The following HPSE2 variants were observed in gnomAD, a reference collection of about 807,000 sequenced individuals.
HPSE2 encodes inactive heparanase-2.
Under a neutral mutation model 60.5 loss-of-function variants are expected in HPSE2, and 38 were observed. The observed-to-expected ratio is 0.63, with a 90% CI of 0.48 to 0.82. The LOEUF (loss-of-function observed/expected upper bound fraction) is 0.82. Ranked by LOEUF, HPSE2 falls within the 40% of genes least tolerant of loss-of-function variation. The pLI, the probability that HPSE2 is intolerant of heterozygous loss-of-function variation, is 0.00. For missense variants in HPSE2, 713 were observed against 740.4 expected, an observed-to-expected ratio of 0.96 and a Z score of 0.43; for synonymous variants, 295 against 293.2, an observed-to-expected ratio of 1.01 and a Z score of -0.06.
At chr10:99,198,358 T>A (rs1050641302) in intron 2 of HPSE2, among the ~76,000 whole-genome samples, 4 of 152,186 alleles carry the variant, frequency 2.6e-5, no homozygotes, top group Non-Finnish European at 4.4e-5. Context: ...AAAATAACAG[T>A]TTCCAGCATT....
chr10:99,116,339 C>T (rs1341591955), intron 3 of HPSE2, among the ~76,000 whole-genome samples: 1 of 152,074 alleles, frequency 6.6e-6, no homozygotes, highest in Admixed American at 6.5e-5. Context: ...ATTCCTTCAT[C>T]TATAAAAAGA....
Position 98,616,764 on chromosome 10 carries a change from A to G in HPSE2, c.1206-1746T>C, listed in dbSNP as rs547064258. On this transcript the variant is annotated intron_variant, in intron 8 of 11. Transcript: ENST00000370552. The stretch of plus-strand genomic sequence containing the variant: ...GAATCATTTTTGTTGTTGTTCTTCA[A>G]ATTGGAACATTGTGACCCAGGGAAT... Among the ~76,000 whole-genome samples, 6 of 152,302 alleles carry G rather than the reference A, an allele frequency of 3.9e-5. No individual in the cohort carries two copies. The East Asian group carries it at 1.2e-3, about 29-fold the overall frequency.
the HPSE2 span, among the ~76,000 whole-genome samples, chr10:99,241,528 G>A: frequency 3.9e-5 from 6 of 152,166 alleles, no homozygotes; most frequent in Non-Finnish European, 7.4e-5. Context: ...AGGCTAAGAC[G>A]GGAGGATTGC....
chr10:98,650,002 G>A (rs911129979), intron 6 of HPSE2, among the ~76,000 whole-genome samples: 2 of 152,196 alleles, frequency 1.3e-5, no homozygotes, highest in Non-Finnish European at 2.9e-5. Flanking sequence ...CCATAGTGCT[G>A]AGCTGTTGCC....
chr10:99,184,863 G>GAGAC lies in HPSE2; in HGVS notation c.449-40465_449-40464insGTCT, dbSNP rs796284708. 2.5e-4 allele frequency among the ~76,000 whole-genome samples: 27 copies of GAGAC among 106,476 alleles called. No homozygotes were observed. The East Asian group carries it at 5.9e-3, about 23-fold the overall frequency. 69.9% of individuals were successfully genotyped at this position (106,476 alleles called of 152,430 possible). The stretch of plus-strand genomic sequence containing the variant: ...AGAGAGAGAGAGAGAGAGAGAGAGA[G>GAGAC]ACAGAAACACTGAAAAAATGATGTA... On this transcript the variant is annotated intron_variant, in intron 2 of 11. Transcript: ENST00000370552.
chr10:99,280,468 C>T, the HPSE2 span, among the ~76,000 whole-genome samples: 1 of 152,180 alleles, frequency 6.6e-6, no homozygotes, highest in Non-Finnish European at 1.5e-5. Flanking sequence ...GATTCATATG[C>T]ATTCCCAAAT....
intron 4 of HPSE2, among the ~76,000 whole-genome samples, chr10:98,743,126 C>A (rs1212736386): frequency 6.6e-6 from 1 of 151,936 alleles, no homozygotes; most frequent in African/African-American, 2.4e-5. Context: ...GCGGCTGCCA[C>A]CACGTCTGGC....
chr10:98,708,213 T>C (rs1030596636), intron 5 of HPSE2, among the ~76,000 whole-genome samples: 2 of 152,032 alleles, frequency 1.3e-5, no homozygotes, highest in African/African-American at 4.8e-5. Flanking sequence ...TCCCAGTACT[T>C]TGGGAGGCTG....
intron 3 of HPSE2, among the ~76,000 whole-genome samples, chr10:99,010,879 A>G (rs1014028083): frequency 6.6e-6 from 1 of 152,174 alleles, no homozygotes; most frequent in Non-Finnish European, 1.5e-5. Flanking sequence ...TGTTAAGTTC[A>G]GGGGTACATG....
At chr10:99,274,177 C>A in the HPSE2 span, among the ~76,000 whole-genome samples, 12 of 152,106 alleles carry the variant, frequency 7.9e-5, no homozygotes, top group African/African-American at 2.9e-4. Flanking sequence ...AAAACCCTGT[C>A]TCTACTAAAA....
chr10:98,867,294 GAAA>G (rs200460520), intron 3 of HPSE2, among the ~76,000 whole-genome samples: 1 of 140,096 alleles, frequency 7.1e-6, no homozygotes, highest in African/African-American at 2.6e-5. Flanking sequence ...AACTCTATAG[GAAA>G]AAAAAAAAAA....
rs1460357046 is a variant in HPSE2, at chr10:98,721,639, CTAAATAA to C, written c.956+11_956+17del. The C allele has an allele frequency of 1.9e-6, 3 of 1,610,262 alleles. No homozygotes were observed. In the East Asian group the frequency reaches 6.7e-5, roughly 36 times the overall value. On this transcript the variant is annotated intron_variant, in intron 5 of 11. Transcript: ENST00000370552. Reference sequence around the variant, plus strand: ...TAAATGAACAATGTCATAAGAAAAGCTAAATAATCTGACCTACCCATCTAGGAGGGCG... The same window carrying C: ...TAAATGAACAATGTCATAAGAAAAGCTCTGACCTACCCATCTAGGAGGGCG...
intron 3 of HPSE2, among the ~76,000 whole-genome samples, chr10:98,999,857 T>C (rs1956737070): frequency 6.6e-6 from 1 of 152,164 alleles, no homozygotes; most frequent in South Asian, 2.1e-4. Context: ...TTCTTGATAA[T>C]GGGGAGCCAC....
intron 5 of HPSE2, among the ~76,000 whole-genome samples, chr10:98,696,313 A>AC (rs1948215213): frequency 6.6e-6 from 1 of 150,820 alleles, no homozygotes; most frequent in Non-Finnish European, 1.5e-5. Flanking sequence ...AAAAAAAAAA[A>AC]AAAAACCATA....
intron 9 of HPSE2, among the ~76,000 whole-genome samples, chr10:98,533,481 C>T (rs1943190648): frequency 6.6e-6 from 1 of 152,100 alleles, no homozygotes; most frequent in South Asian, 2.1e-4. Context: ...AAAATTGGTC[C>T]AAATGTCAAT....
At chr10:99,194,731 G>T (rs558129244) in intron 2 of HPSE2, among the ~76,000 whole-genome samples, 5 of 151,848 alleles carry the variant, frequency 3.3e-5, no homozygotes, top group African/African-American at 1.2e-4. Context: ...AATAAGTAAT[G>T]AGATCAAATG....
chr10:98,512,538 T>C (rs1434921030), intron 9 of HPSE2, among the ~76,000 whole-genome samples: 1 of 150,152 alleles, frequency 6.7e-6, no homozygotes, highest in Admixed American at 6.7e-5. Flanking sequence ...TGAGCCAAGA[T>C]CGCACCACTG....
At chr10:98,518,027 T>C (rs1942660117) in intron 9 of HPSE2, among the ~76,000 whole-genome samples, 1 of 152,164 alleles carries the variant, frequency 6.6e-6, no homozygotes, top group Admixed American at 6.5e-5. Flanking sequence ...CCCCAGAATA[T>C]TCCTTCAGCT....
chr10:98,562,270 A>G (rs1409670385), intron 9 of HPSE2, among the ~76,000 whole-genome samples: 2 of 152,214 alleles, frequency 1.3e-5, no homozygotes, highest in African/African-American at 4.8e-5. Context: ...AATACACACT[A>G]TGATGTTCAC....
Sources: allele counts gnomAD v4.1 joint callset (sites outside exome capture counted in the v4.1 genomes callset), GRCh38; gene constraint gnomAD v4.1.1; transcripts MANE v1.5; gene names NCBI Gene and HGNC (gene_info 2026-07-23, HGNC 2026-07-21).